ZSCAN30: variants seen among roughly 807,000 people sequenced by gnomAD.
ZSCAN30 encodes zinc finger and SCAN domain containing 30.
A neutral mutation model predicts 44.3 loss-of-function variants in ZSCAN30; 37 were observed. The ratio of observed to expected loss-of-function variants is 0.84; its 90% CI spans 0.64 to 1.10. The LOEUF (loss-of-function observed/expected upper bound fraction) is 1.10, where lower values mean the gene tolerates loss of function less well. ZSCAN30 is among the 50% of genes least tolerant of loss of function. ZSCAN30 has a pLI of 0.00. For synonymous variants in ZSCAN30, 181 were observed against 204.6 expected (o/e 0.88, Z 0.98); for missense variants, 549 against 582.6 (o/e 0.94, Z 0.59).
At chr18:35,270,269 AATAG>A (rs2044244517) in intron 1 of ZSCAN30, 2 of 149,030 alleles carry the variant, frequency 1.3e-5, no homozygotes, top group Admixed American at 1.3e-4. Flanking sequence ...TCTTTGCAAT[AATAG>A]ATAAATTGAA....
rs983483902 is a variant in ZSCAN30 at position 35,262,027 on chromosome 18, A to T, written c.553+1486T>A. ...TGGATGGTATGGATTCCTTTGGTGA[A>T]CTGCCGAGGTCCAGGGTCTGGCCTT... On this transcript the variant is annotated intron_variant, in intron 3 of 3. Transcript: ENST00000333206. The T allele has an allele frequency of 2.0e-5, 3 of 152,166 alleles. 1 individual carries two copies. In the South Asian group the frequency reaches 6.2e-4, roughly 32 times the overall value. The allele number at this position is 152,166 out of a possible 1,614,324, so 9.4% of individuals were successfully genotyped here.
Position 35,264,266 on chromosome 18 carries a change from A to C in ZSCAN30, c.87T>G (p.Tyr29Ter), listed in dbSNP as rs1378586771. 6.2e-7 allele frequency: 1 copy of C among 1,614,160 alleles called. No homozygotes were observed. Among genetic ancestry groups the C allele is most frequent in the South Asian group, 1.1e-5 (1 of 91,084 alleles). The change falls in exon 2 of 4, where the codon TAT becomes TAG. Residue 29 changes from tyrosine to a stop codon, truncating the protein, a stop_gained. Coordinates refer to ENST00000333206, the MANE Select transcript of ZSCAN30 (RefSeq NM_001112734.4). LOFTEE classifies it high-confidence loss of function. Reference sequence around the variant, plus strand: ...GAAGGCCAAAGTCCTGGTCCAAAACATAATTTTCTTCTTCAACCTTGACAA... The same window carrying C: ...GAAGGCCAAAGTCCTGGTCCAAAACCTAATTTTCTTCTTCAACCTTGACAA... ...LLVVKVEEEN[Y>*]VLDQDFGLQE...
intron 1 of ZSCAN30, among the ~76,000 whole-genome samples, chr18:35,274,994 T>G (rs1454963607): frequency 6.6e-6 from 1 of 152,238 alleles, no homozygotes; most frequent in Admixed American, 6.5e-5. Flanking sequence ...AAAGATTTCC[T>G]TCCCTACTCT....
Position 35,264,125 on chromosome 18 carries a change from C to T in ZSCAN30, c.228G>A (p.Trp76Ter). The T allele has an allele frequency of 1.2e-6, 2 of 1,614,102 alleles. No homozygotes were observed. Among genetic ancestry groups the T allele is most frequent in the Non-Finnish European group, 1.7e-6 (2 of 1,179,960 alleles). Residue 76 changes from tryptophan to a stop codon, truncating the protein, a stop_gained, in exon 2 of 4, where the codon TGG (tryptophan) becomes TGA (stop). Coordinates refer to ENST00000333206, the MANE Select transcript of ZSCAN30 (RefSeq NM_001112734.4). LOFTEE classifies it high-confidence loss of function. Reference sequence around the variant, plus strand: ...CCTTGGAGTGCACCTCCGGCCTCAACCACTGACAGCAAAGCTCTCGCAGCC... The same window carrying T: ...CCTTGGAGTGCACCTCCGGCCTCAATCACTGACAGCAAAGCTCTCGCAGCC... The part of the protein sequence containing the change: ...LSRLRELCCQ[W>*]LRPEVHSKEQ...
chr18:35,287,818 A>G (rs530119865), intron 1 of ZSCAN30, among the ~76,000 whole-genome samples: 2 of 152,092 alleles, frequency 1.3e-5, no homozygotes, highest in African/African-American at 4.8e-5. Context: ...AAAAAATATT[A>G]ACAGAAAGAA....
chr18:35,272,562 C>A (rs1456175938), intron 1 of ZSCAN30, among the ~76,000 whole-genome samples: 1 of 151,800 alleles, frequency 6.6e-6, no homozygotes, highest in Non-Finnish European at 1.5e-5. Flanking sequence ...CCAGGCTGTT[C>A]TCAAACTCCT....
chr18:35,278,892 T>C (rs1319457466), intron 1 of ZSCAN30, among the ~76,000 whole-genome samples: 2 of 152,218 alleles, frequency 1.3e-5, no homozygotes, highest in Non-Finnish European at 2.9e-5. Context: ...ATGTTCCTCC[T>C]TTCATCTGAG....
intron 1 of ZSCAN30, among the ~76,000 whole-genome samples, chr18:35,279,894 A>C (rs2044425277): frequency 6.6e-6 from 1 of 152,240 alleles, no homozygotes; most frequent in African/African-American, 2.4e-5. Flanking sequence ...TTACATTCAC[A>C]GGTAATGGAG....
At chr18:35,262,087 C>T (rs2044039760) in intron 3 of ZSCAN30, 1 of 152,156 alleles carries the variant, frequency 6.6e-6, no homozygotes, top group Non-Finnish European at 1.5e-5. Context: ...ATTTTATCAT[C>T]ATACAAAAAA....
In ZSCAN30 at chr18:35,254,312, G is replaced by C; in HGVS notation, c.623C>G (p.Ala208Gly). ...AGGAAGTTTTCCCGGCGATATCATA[G>C]CTGCTGAGGCTACACATTCAACAAT... Reference protein sequence around the residue: ...QEIVECVASAAMISPGKLPGE... With the variant: ...QEIVECVASAGMISPGKLPGE... Residue 208 changes from alanine (A) to glycine (G), a missense_variant, in exon 4 of 4, where the codon GCT (alanine) becomes GGT (glycine). Physicochemically the swap from Ala to Gly is moderately conservative, Grantham distance 60 (BLOSUM62 0). Coordinates refer to ENST00000333206, the MANE Select transcript of ZSCAN30 (RefSeq NM_001112734.4). 1 of 1,614,122 alleles carries C rather than the reference G, an allele frequency of 6.2e-7. No homozygotes were observed. Among genetic ancestry groups the C allele is most frequent in the Non-Finnish European group, 8.5e-7 (1 of 1,179,968 alleles).
rs1283595531 is a variant in ZSCAN30 at position 35,290,204 on chromosome 18, G to A, written c.-224C>T. On this transcript the variant is annotated 5_prime_UTR_variant, in exon 1 of 4. Transcript: ENST00000333206. The stretch of plus-strand genomic sequence containing the variant: ...AGGTCCCTGGCTAAGGCACTGCTAG[G>A]GACAGCTCGCGGCGGTTCGGGGGTT... The A allele has an allele frequency of 6.6e-6, 1 of 152,280 alleles. No individual in the cohort carries two copies. The highest frequency in any genetic ancestry group is 1.5e-5 in the Non-Finnish European group (1 of 68,120). 9.4% of individuals were successfully genotyped at this position (152,280 alleles called of 1,614,324 possible). A position where few individuals can be genotyped will look rare whatever the true frequency, so the allele number is the denominator to read the frequency against.
intron 1 of ZSCAN30, among the ~76,000 whole-genome samples, chr18:35,288,752 A>T (rs2044597573): frequency 6.6e-6 from 1 of 152,184 alleles, no homozygotes; most frequent in Admixed American, 6.5e-5. Context: ...AATGCAAACT[A>T]ATCTCTAGTA....
chr18:35,251,944 G>A lies in ZSCAN30; in HGVS notation c.*1506C>T, dbSNP rs2043612802. On this transcript the variant is annotated 3_prime_UTR_variant, in exon 4 of 4. Transcript: ENST00000333206. ...GAAGAGGAATCAAACTTTCTTTTAG[G>A]TATTAATTGCCCTCAGCAATTGTGG... 1 of 152,020 alleles carries A rather than the reference G, an allele frequency of 6.6e-6. No homozygotes were observed. The highest frequency in any genetic ancestry group is 6.5e-5 in the Admixed American group (1 of 15,268). The allele number at this position is 152,020 out of a possible 1,614,324, so 9.4% of individuals were successfully genotyped here.
intron 1 of ZSCAN30, 57 bp from the exon 2 acceptor site, chr18:35,264,512 T>C (rs2044105556): frequency 1.3e-6 from 1 of 794,158 alleles, no homozygotes; most frequent in Non-Finnish European, 1.9e-6. Context: ...GGAATATAAA[T>C]ACAGGTTTTT....
intron 1 of ZSCAN30, chr18:35,270,231 C>T (rs915796509): frequency 1.4e-5 from 2 of 145,716 alleles, no homozygotes; most frequent in Admixed American, 1.4e-4. Flanking sequence ...GAAATGAATG[C>T]GAAAGTATAT....
In ZSCAN30 at chr18:35,253,326, T is replaced by G. The variant is rs2043661063; in HGVS notation, c.*124A>C. 1.4e-6 allele frequency: 1 copy of G among 690,664 alleles called. No individual in the cohort carries two copies. Among genetic ancestry groups the G allele is most frequent in the East Asian group, 2.8e-5 (1 of 36,196 alleles). 42.8% of individuals were successfully genotyped at this position (690,664 alleles called of 1,614,324 possible). A position where few individuals can be genotyped will look rare whatever the true frequency, so the allele number is the denominator to read the frequency against. On this transcript the variant is annotated 3_prime_UTR_variant, in exon 4 of 4. Coordinates refer to ENST00000333206, the MANE Select transcript of ZSCAN30 (RefSeq NM_001112734.4). ...AAACATCTTTGTGTGCATGTCTTCT[T>G]ATAGTACCGAACTGGGAGGGAAGGA...
intron 3 of ZSCAN30, chr18:35,263,196 G>A: frequency 2.7e-6 from 1 of 369,686 alleles, no homozygotes; most frequent in Non-Finnish European, 5.1e-6. Context: ...GTGAGCTGTG[G>A]TTGCACCACT....
At chr18:35,265,079 G>T (rs1163623751) in intron 1 of ZSCAN30, among the ~76,000 whole-genome samples, 2 of 151,916 alleles carry the variant, frequency 1.3e-5, no homozygotes, top group Admixed American at 6.6e-5. Context: ...CCGGGAGGGG[G>T]AGCTTGCAGT....
chr18:35,280,704 C>T (rs974167353), intron 1 of ZSCAN30, among the ~76,000 whole-genome samples: 3 of 152,222 alleles, frequency 2.0e-5, no homozygotes, highest in Non-Finnish European at 4.4e-5. Context: ...TGCACACTGA[C>T]ATGTCAAAGA....
Sources: allele counts gnomAD v4.1 joint callset (sites outside exome capture counted in the v4.1 genomes callset), GRCh38; gene constraint gnomAD v4.1.1; transcripts MANE v1.5; gene names NCBI Gene and HGNC (gene_info 2026-07-23, HGNC 2026-07-21).